The following DNAH12 variants were observed in gnomAD, a reference collection of about 807,000 sequenced individuals.
The protein encoded by DNAH12 is axonemal beta dynein heavy chain 12.
DNAH12 carries 285 observed loss-of-function variants against 371.5 expected under a neutral mutation model. That is an observed-to-expected ratio of 0.77 (90% CI 0.70 to 0.85). The LOEUF is 0.85. Ranked by LOEUF, DNAH12 falls within the 40% of genes least tolerant of loss-of-function variation. The pLI, the probability that DNAH12 is intolerant of heterozygous loss-of-function variation, is 0.00. For missense variants in DNAH12, 3,611 were observed against 3,689.4 expected, an observed-to-expected ratio of 0.98 and a Z score of 0.55; for synonymous variants, 1,200 against 1,213.0, an observed-to-expected ratio of 0.99 and a Z score of 0.22.
chr3:57,479,635 A>G (rs2066665011), intron 13 of DNAH12, among the ~76,000 whole-genome samples: 1 of 152,200 alleles, frequency 6.6e-6, no homozygotes. Flanking sequence ...TCAGCACCAC[A>G]CAGCACTTAT....
At chr3:57,462,546 C>T (rs73076483) in intron 18 of DNAH12, 144 bp downstream of exon 18, 11,312 of 939,084 alleles carry the variant, frequency 0.012, 131 homozygotes, top group South Asian at 0.045. Flanking sequence ...GCTACCGCAC[C>T]CAGCCGGAGA....
chr3:57,434,247 A>C (rs925816450), intron 30 of DNAH12, among the ~76,000 whole-genome samples: 2 of 150,544 alleles, frequency 1.3e-5, no homozygotes, highest in African/African-American at 5.0e-5. Context: ...CCTCTTGTGG[A>C]AAGACTAGGT....
chr3:57,338,957 G>C (rs1190730149), intron 60 of DNAH12, among the ~76,000 whole-genome samples: 1 of 152,264 alleles, frequency 6.6e-6, no homozygotes, highest in African/African-American at 2.4e-5. Flanking sequence ...GTAGGGAAAA[G>C]AAAGAGAGAT....
intron 25 of DNAH12, among the ~76,000 whole-genome samples, chr3:57,452,148 G>C (rs2065777436): frequency 6.6e-6 from 1 of 152,074 alleles, no homozygotes; most frequent in Non-Finnish European, 1.5e-5. Context: ...CTGCAGTCTG[G>C]TACCGATACA....
At chr3:57,418,311 G>A (rs142681577) in intron 37 of DNAH12, among the ~76,000 whole-genome samples, 166 of 148,882 alleles carry the variant, frequency 1.1e-3, no homozygotes, top group African/African-American at 3.8e-3. Flanking sequence ...AGGCTGAGGT[G>A]GGTGGATTGC....
rs747505884 is a variant in DNAH12 at position 57,470,583 on chromosome 3, T to C, written c.1965A>G (p.Ala655=). The C allele has an allele frequency of 4.5e-6, 7 of 1,547,438 alleles. No individual in the cohort carries two copies. Among genetic ancestry groups the C allele is most frequent in the Non-Finnish European group, 6.1e-6 (7 of 1,146,172 alleles). The part of the protein sequence containing the change: ...LQKRIQESEE[A]VQFINKEEEL... ...CCTCTTCTTTATTAATAAACTGCAC[T>C]GCTTCTTCAGATTCCTGAATACGTT... The change falls in exon 16 of 74, where the codon GCA becomes GCG. Residue 655 remains alanine, a synonymous_variant. Transcript: ENST00000495027.
intron 55 of DNAH12, among the ~76,000 whole-genome samples, chr3:57,371,546 C>G (rs1359407892): frequency 1.3e-5 from 2 of 151,796 alleles, no homozygotes; most frequent in African/African-American, 4.8e-5. Context: ...GGGGGCACTA[C>G]AAATGCCTGT....
At chr3:57,544,468 C>T (rs980669157), upstream of DNAH12, 2 of 152,192 alleles carry the variant, frequency 1.3e-5, no homozygotes, top group Admixed American at 6.5e-5. Context: ...GATTACCTGT[C>T]ACAACAATAA....
chr3:57,330,872 C>T (rs186072692), intron 62 of DNAH12, among the ~76,000 whole-genome samples: 3 of 152,250 alleles, frequency 2.0e-5, no homozygotes, highest in African/African-American at 7.2e-5. Flanking sequence ...CACAATCACA[C>T]CAGCCAATTC....
At chr3:57,478,781 C>A (rs372563814) in intron 13 of DNAH12, among the ~76,000 whole-genome samples, 12 of 152,230 alleles carry the variant, frequency 7.9e-5, no homozygotes, top group Admixed American at 2.6e-4. Context: ...AACATTCTTA[C>A]AGAAAAGAAT....
chr3:57,367,921 A>C (rs1165768962), intron 56 of DNAH12, 125 bp downstream of exon 56: 6 of 152,344 alleles, frequency 3.9e-5, no homozygotes, highest in Admixed American at 3.9e-4. Flanking sequence ...TTTCACTCAT[A>C]ACAATGAGCC....
intron 50 of DNAH12, among the ~76,000 whole-genome samples, chr3:57,381,165 A>G (rs36191368): frequency 1.3e-5 from 2 of 151,952 alleles, no homozygotes; most frequent in South Asian, 4.1e-4. Context: ...CACATGCTAC[A>G]TATATTGGCA....
Position 57,461,671 on chromosome 3 carries a change from C to T in DNAH12, c.2554G>A (p.Ala852Thr). The T allele has an allele frequency of 1.3e-6, 2 of 1,550,610 alleles. No individual in the cohort carries two copies. The highest frequency in any genetic ancestry group is 1.2e-5 in the South Asian group (1 of 84,016). ...GASKEFSLEK[A>T]MNTMIGTWED... is the part of the protein sequence containing the mutation. ...CAAGTTCCTATCATTGTATTCATGG[C>T]TTTCTCTAATGAAAATTCCTAAAAC... The change falls in exon 19 of 74, where the codon GCC becomes ACC. Residue 852 changes from alanine (A) to threonine (T), a missense_variant. Around this residue, in one of 3 missense-constraint regions of DNAH12, gnomAD observed 1,314 missense variants for 1,398.7 expected, o/e 0.94. Transcript: ENST00000495027.
At chr3:57,406,736 T>G (rs1553681387) in intron 40 of DNAH12, among the ~76,000 whole-genome samples, 1 of 152,222 alleles carries the variant, frequency 6.6e-6, no homozygotes, top group Non-Finnish European at 1.5e-5. Flanking sequence ...TCTTCCCTTC[T>G]ATCTCTTATT....
At chr3:57,404,941 T>G in intron 42 of DNAH12, 28 bp downstream of exon 42, 1 of 1,442,466 alleles carries the variant, frequency 6.9e-7, no homozygotes, top group Non-Finnish European at 9.1e-7. Context: ...AGATAGCAAT[T>G]TCAAGCATCA....
In DNAH12 at chr3:57,483,466, G is replaced by A; in HGVS notation, c.1560C>T (p.Val520=). 1.3e-6 allele frequency: 2 copies of A among 1,551,122 alleles called. No individual in the cohort carries two copies. The highest frequency in any genetic ancestry group is 1.7e-6 in the Non-Finnish European group (2 of 1,146,774). Residue 520 remains valine (V), a synonymous_variant, in exon 13 of 74, where the codon GTC becomes GTT. Transcript: ENST00000495027. ...FEAIKEHALK[V]PETTEEMMDL... is the part of the protein sequence containing the mutation. Reference sequence around the variant, plus strand: ...CCATCATCTCTTCTGTTGTTTCAGGGACTTTTAATGCATGTTCTTTAATTG... The same window carrying A: ...CCATCATCTCTTCTGTTGTTTCAGGAACTTTTAATGCATGTTCTTTAATTG...
chr3:57,500,977 C>G (rs1239360382), intron 11 of DNAH12, among the ~76,000 whole-genome samples: 1 of 152,170 alleles, frequency 6.6e-6, no homozygotes, highest in Non-Finnish European at 1.5e-5. Flanking sequence ...GACACGGTCT[C>G]ACTATGTTGC....
At chr3:57,442,235 A>G (rs943328434) in intron 29 of DNAH12, among the ~76,000 whole-genome samples, 4 of 152,204 alleles carry the variant, frequency 2.6e-5, no homozygotes, top group Admixed American at 1.3e-4. Context: ...ATGAAAACAT[A>G]TATCTGCTGG....
intron 25 of DNAH12, among the ~76,000 whole-genome samples, chr3:57,450,503 G>T (rs949371512): frequency 6.6e-6 from 1 of 152,146 alleles, no homozygotes; most frequent in Non-Finnish European, 1.5e-5. Flanking sequence ...AGCCGAGATC[G>T]CACCATTGCA....
Sources: gnomAD v4.1 joint callset for allele counts (sites outside exome capture counted in the v4.1 genomes callset) on GRCh38, gnomAD v4.1.1 for gene constraint, gnomAD v4.1.1 regional missense constraint, MANE v1.5 for transcripts, NCBI Gene and HGNC (gene_info 2026-07-23, HGNC 2026-07-21) for gene names.